Variants in MLIP observed in about 807,000 individuals in gnomAD.
MLIP encodes muscular LMNA interacting protein.
A neutral mutation model predicts 84.8 loss-of-function variants in MLIP; 79 were observed. The observed-to-expected ratio is 0.93, with a 90% CI of 0.78 to 1.12. The LOEUF (loss-of-function observed/expected upper bound fraction) is 1.12. Among genes scored for constraint, MLIP ranks in the 50% most tolerant of loss-of-function variants. The probability of loss-of-function intolerance (pLI) is 0.00; values close to 1 mark genes in which losing one functional copy is unlikely to be tolerated. For synonymous variants in MLIP, 504 were observed against 463.0 expected (o/e 1.09, Z -1.14); for missense variants, 1,257 against 1,160.6 (o/e 1.08, Z -1.21).
chr6:54,024,629 A>G (rs1375470153), intron 1 of MLIP, among the ~76,000 whole-genome samples: 3 of 152,214 alleles, frequency 2.0e-5, no homozygotes, highest in Admixed American at 1.3e-4. Context: ...CCTCAAGGCA[A>G]TTATTACGCT....
chr6:54,127,739 G>A (rs1376582660), intron 3 of MLIP, among the ~76,000 whole-genome samples: 1 of 152,062 alleles, frequency 6.6e-6, no homozygotes, highest in African/African-American at 2.4e-5. Context: ...AACTCCCCAA[G>A]TGCTTCCTGA....
At chr6:54,191,227 G>T (rs957879588) in intron 10 of MLIP, among the ~76,000 whole-genome samples, 4 of 152,080 alleles carry the variant, frequency 2.6e-5, no homozygotes, top group Admixed American at 2.6e-4. Context: ...CCCTTTTAAA[G>T]AAATTGTTTT....
chr6:54,261,486 C>T (rs1174588870), intron 13 of MLIP: 2 of 717,284 alleles, frequency 2.8e-6, no homozygotes, highest in Non-Finnish European at 3.4e-6. Context: ...TAGGCAAATT[C>T]TTGTGTTTTC....
At chr6:54,059,423 G>A (rs1471616057) in intron 1 of MLIP, among the ~76,000 whole-genome samples, 1 of 152,136 alleles carries the variant, frequency 6.6e-6, no homozygotes, top group Non-Finnish European at 1.5e-5. Flanking sequence ...CAATACTGCT[G>A]CTAATTCTTG....
intron 1 of MLIP, among the ~76,000 whole-genome samples, chr6:54,027,736 G>C (rs1375869398): frequency 6.6e-6 from 1 of 152,170 alleles, no homozygotes; most frequent in Admixed American, 6.5e-5. Context: ...TCTACTTTAT[G>C]GTTCAAATCA....
chr6:54,025,391 A>G (rs1763743243), intron 1 of MLIP, among the ~76,000 whole-genome samples: 1 of 152,202 alleles, frequency 6.6e-6, no homozygotes, highest in Non-Finnish European at 1.5e-5. Flanking sequence ...TAAAATAAGT[A>G]ATAAATGCAA....
At chr6:54,189,187 C>T (rs1777684130) in intron 9 of MLIP, among the ~76,000 whole-genome samples, 1 of 152,176 alleles carries the variant, frequency 6.6e-6, no homozygotes, top group Admixed American at 6.5e-5. Context: ...ATTTGCCATA[C>T]AACATTGCAC....
chr6:54,088,580 T>C (rs536261656), intron 1 of MLIP, among the ~76,000 whole-genome samples: 8 of 152,294 alleles, frequency 5.3e-5, no homozygotes, highest in African/African-American at 1.7e-4. Flanking sequence ...CAGACTGGCT[T>C]CTCAACTTTG....
chr6:54,122,178 A>T (rs1342939094), intron 2 of MLIP, among the ~76,000 whole-genome samples: 3 of 152,194 alleles, frequency 2.0e-5, no homozygotes, highest in South Asian at 2.1e-4. Flanking sequence ...AATGTTATGT[A>T]GGTAAATAAT....
At chr6:54,029,864 C>A (rs1464982163) in intron 1 of MLIP, among the ~76,000 whole-genome samples, 1 of 152,088 alleles carries the variant, frequency 6.6e-6, no homozygotes, top group African/African-American at 2.4e-5. Context: ...TGGTAAGAAT[C>A]AAATCTGGGC....
At chr6:54,156,104 A>C (rs962886262) in intron 5 of MLIP, among the ~76,000 whole-genome samples, 2 of 152,102 alleles carry the variant, frequency 1.3e-5, no homozygotes, top group Non-Finnish European at 2.9e-5. Context: ...ATTCTTACTA[A>C]TGGAGATTTA....
At position 54,111,462 on chromosome 6, in the gene MLIP, C is replaced by G; in HGVS notation, c.-18C>G. The G allele has an allele frequency of 6.5e-7, 1 of 1,535,860 alleles. No individual in the cohort carries two copies. The highest frequency in any genetic ancestry group is 1.2e-5 in the South Asian group (1 of 84,046). On this transcript the variant is annotated 5_prime_UTR_variant, in exon 1 of 14. Transcript: ENST00000502396. Reference sequence around the variant, plus strand: ...CACCTCAGTCATTGGTTTGCTCGCTCCCTTATGTGATGAATCAATGCTTTC... The same window carrying G: ...CACCTCAGTCATTGGTTTGCTCGCTGCCTTATGTGATGAATCAATGCTTTC...
chr6:54,098,330 C>CTTTT (rs11418224), intron 1 of MLIP, among the ~76,000 whole-genome samples: 12 of 116,254 alleles, frequency 1.0e-4, no homozygotes, highest in South Asian at 2.8e-4. Flanking sequence ...TTTTTAATTT[C>CTTTT]TTTTTTTTTT....
chr6:54,238,054 TA>T, intron 12 of MLIP, among the ~76,000 whole-genome samples: 1 of 152,186 alleles, frequency 6.6e-6, no homozygotes, highest in Non-Finnish European at 1.5e-5. Flanking sequence ...GCATTTAAAT[TA>T]TTTTTTTATC....
At chr6:54,233,369 C>G (rs976734362) in intron 12 of MLIP, among the ~76,000 whole-genome samples, 9 of 151,802 alleles carry the variant, frequency 5.9e-5, no homozygotes, top group Non-Finnish European at 1.0e-4. Flanking sequence ...TGATGTTCCC[C>G]TCTCTGTGTC....
chr6:54,150,026 C>T (rs372086050), intron 5 of MLIP, among the ~76,000 whole-genome samples: 14 of 152,186 alleles, frequency 9.2e-5, no homozygotes, highest in African/African-American at 3.1e-4. Flanking sequence ...GTTTCAAAGA[C>T]TATCATTTAT....
chr6:54,176,088 A>C (rs1428913249), intron 9 of MLIP, among the ~76,000 whole-genome samples: 1 of 152,060 alleles, frequency 6.6e-6, no homozygotes, highest in Admixed American at 6.6e-5. Flanking sequence ...CTACTTGATC[A>C]TGATGAAGGA....
chr6:54,170,663 C>A (rs1232968907), intron 9 of MLIP, among the ~76,000 whole-genome samples: 1 of 151,468 alleles, frequency 6.6e-6, no homozygotes, highest in African/African-American at 2.4e-5. Context: ...CTTTCTGTGC[C>A]TTTGTTTCTT....
intron 1 of MLIP, among the ~76,000 whole-genome samples, chr6:54,029,693 T>C (rs1377607828): frequency 6.6e-6 from 1 of 152,196 alleles, no homozygotes; most frequent in Non-Finnish European, 1.5e-5. Context: ...TAAGTTATGT[T>C]ATTTGGCATG....
Sources: allele counts gnomAD v4.1 joint callset (sites outside exome capture counted in the v4.1 genomes callset), GRCh38; gene constraint gnomAD v4.1.1; transcripts MANE v1.5; gene names NCBI Gene and HGNC (gene_info 2026-07-23, HGNC 2026-07-21).